PDSS2: variants seen among roughly 807,000 people sequenced by gnomAD.
PDSS2 encodes the protein decaprenyl diphosphate synthase subunit 2.
Under a neutral mutation model 44.5 loss-of-function variants are expected in PDSS2, and 31 were observed. That is an observed-to-expected ratio of 0.70 (90% CI 0.52 to 0.94). The LOEUF is 0.94. Ranked by LOEUF, PDSS2 falls within the 40% of genes least tolerant of loss-of-function variation. PDSS2 has a pLI of 0.00. For missense variants in PDSS2, 452 were observed against 482.2 expected (o/e 0.94, Z 0.59); for synonymous variants, 157 against 180.3 (o/e 0.87, Z 1.03).
intron 5 of PDSS2, among the ~76,000 whole-genome samples, 190 bp from the exon 6 acceptor site, chr6:107,210,760 T>C (rs1437380797): frequency 6.6e-6 from 1 of 152,102 alleles, no homozygotes; most frequent in Non-Finnish European, 1.5e-5. Flanking sequence ...TCTCAGCAGT[T>C]TGGGAGGCTG....
chr6:107,181,475 G>A (rs954674194), intron 7 of PDSS2, among the ~76,000 whole-genome samples: 4 of 137,934 alleles, frequency 2.9e-5, no homozygotes, highest in Admixed American at 7.9e-5. Context: ...GGAGGTTGCA[G>A]TAATTTAAGA....
intron 2 of PDSS2, among the ~76,000 whole-genome samples, chr6:107,296,529 C>CAGCCTG (rs1776513391): frequency 6.6e-6 from 1 of 152,080 alleles, no homozygotes; most frequent in Admixed American, 6.6e-5. Context: ...AGTTTGAGAC[C>CAGCCTG]AGCCTGGCCA....
chr6:107,169,711 C>T (rs1771492870), intron 7 of PDSS2, among the ~76,000 whole-genome samples: 1 of 152,198 alleles, frequency 6.6e-6, no homozygotes, highest in African/African-American at 2.4e-5. Flanking sequence ...GGACCCTCAG[C>T]TGCAGGTCTG....
chr6:107,161,334 G>A (rs1771121511), intron 7 of PDSS2, among the ~76,000 whole-genome samples: 1 of 151,926 alleles, frequency 6.6e-6, no homozygotes, highest in African/African-American at 2.4e-5. Context: ...CAAAAAATTA[G>A]CCAGGCGTGG....
chr6:107,422,604 T>C (rs777537099), intron 1 of PDSS2, among the ~76,000 whole-genome samples: 16 of 152,102 alleles, frequency 1.1e-4, no homozygotes, highest in Non-Finnish European at 1.5e-4. Flanking sequence ...TTATGGAATA[T>C]TCATTATAAT....
chr6:107,441,872 C>T (rs558076129), intron 1 of PDSS2, among the ~76,000 whole-genome samples: 65 of 152,274 alleles, frequency 4.3e-4, no homozygotes, highest in Non-Finnish European at 7.4e-4. Context: ...CAGGCTCAAA[C>T]CTAGTACACC....
intron 1 of PDSS2, among the ~76,000 whole-genome samples, chr6:107,436,971 T>C (rs1040008795): frequency 1.3e-5 from 2 of 152,100 alleles, no homozygotes; most frequent in African/African-American, 4.8e-5. Context: ...CAATATGAAA[T>C]GGGTGCTGAC....
intron 1 of PDSS2, among the ~76,000 whole-genome samples, chr6:107,395,103 T>G (rs946013340): frequency 6.6e-6 from 1 of 152,176 alleles, no homozygotes; most frequent in African/African-American, 2.4e-5. Flanking sequence ...TCTCAACACT[T>G]TAAAGATGTC....
chr6:107,157,837 ATT>A (rs1770963284), intron 7 of PDSS2, among the ~76,000 whole-genome samples: 1 of 150,946 alleles, frequency 6.6e-6, no homozygotes. Context: ...CGCCTGGCTA[ATT>A]TTTTTGTATT....
At chr6:107,229,697 A>G (rs980239088) in intron 4 of PDSS2, 4 of 152,178 alleles carry the variant, frequency 2.6e-5, no homozygotes, top group Non-Finnish European at 5.9e-5. Flanking sequence ...TACATGTACA[A>G]TAATGTCTAC....
At chr6:107,406,989 C>T (rs910346482) in intron 1 of PDSS2, among the ~76,000 whole-genome samples, 11 of 152,190 alleles carry the variant, frequency 7.2e-5, no homozygotes, top group African/African-American at 2.7e-4. Flanking sequence ...TTGCTCTGCT[C>T]TCCTATTTAG....
intron 2 of PDSS2, among the ~76,000 whole-genome samples, chr6:107,288,621 G>C (rs970813455): frequency 2.6e-5 from 4 of 152,170 alleles, no homozygotes; most frequent in South Asian, 2.1e-4. Context: ...AATACAGACA[G>C]GAGCACAGAT....
intron 4 of PDSS2, among the ~76,000 whole-genome samples, chr6:107,240,349 T>TTG (rs1774377037): frequency 1.3e-5 from 2 of 151,388 alleles, no homozygotes; most frequent in African/African-American, 2.4e-5. Context: ...TTCAGTGAGC[T>TTG]AGGATGACAC....
rs112460116 is a variant in PDSS2, at chr6:107,455,945, A to G, written c.296+3045T>C. 8.3e-3 allele frequency among the ~76,000 whole-genome samples: 1,268 copies of G among 152,258 alleles called. 19 individuals are homozygous for G. Among genetic ancestry groups the G allele is most frequent in the African/African-American group, 0.025 (1,037 of 41,540 alleles). On this transcript the variant is annotated intron_variant, in intron 1 of 7. Coordinates refer to ENST00000369037, the MANE Select transcript of PDSS2 (RefSeq NM_020381.4). ...GCTCTTGTTTTTATATCCTCGTGAC[A>G]TGAACACCAAAAGATATGCAAACAT...
At chr6:107,251,519 A>C (rs1322264411) in intron 3 of PDSS2, among the ~76,000 whole-genome samples, 1 of 152,224 alleles carries the variant, frequency 6.6e-6, no homozygotes, top group Admixed American at 6.5e-5. Flanking sequence ...GTACATCTGC[A>C]GTGCTGATGG....
chr6:107,159,141 C>T (rs1771022375), intron 7 of PDSS2, among the ~76,000 whole-genome samples: 1 of 152,002 alleles, frequency 6.6e-6, no homozygotes, highest in Non-Finnish European at 1.5e-5. Context: ...AATAGATGCT[C>T]GGATGACTTA....
At chr6:107,391,612 A>G (rs764894881) in intron 1 of PDSS2, among the ~76,000 whole-genome samples, 1 of 152,112 alleles carries the variant, frequency 6.6e-6, no homozygotes, top group Non-Finnish European at 1.5e-5. Flanking sequence ...TACTTCTAGT[A>G]TACTAAAATG....
Position 107,284,388 on chromosome 6 carries a change from C to T in PDSS2, c.432-10161G>A, listed in dbSNP as rs1173723272. Among the ~76,000 whole-genome samples, 8 of 151,878 alleles carry T rather than the reference C, an allele frequency of 5.3e-5. No individual in the cohort carries two copies. In the South Asian group the frequency reaches 1.0e-3, roughly 20 times the overall value. On this transcript the variant is annotated intron_variant, in intron 2 of 7. Transcript: ENST00000369037. ...TTAAAATTTGTTAACTGGCTGGGCG[C>T]GGTGGCTCACACCTGTAATCCCAGC...
chr6:107,174,833 C>T (rs991468028), intron 7 of PDSS2, among the ~76,000 whole-genome samples: 3 of 152,024 alleles, frequency 2.0e-5, no homozygotes, highest in African/African-American at 7.2e-5. Flanking sequence ...TAGTGTTTCC[C>T]AATATTAGAA....
Sources: gnomAD v4.1 joint callset for allele counts (sites outside exome capture counted in the v4.1 genomes callset) on GRCh38, gnomAD v4.1.1 for gene constraint, MANE v1.5 for transcripts, NCBI Gene and HGNC (gene_info 2026-07-23, HGNC 2026-07-21) for gene names.